SUMF1: variants seen among roughly 807,000 people sequenced by gnomAD.
SUMF1 encodes formylglycine-generating enzyme.
A neutral mutation model predicts 47.6 loss-of-function variants in SUMF1; 48 were observed. That is an observed-to-expected ratio of 1.01 (90% CI 0.80 to 1.28). The LOEUF (loss-of-function observed/expected upper bound fraction) is 1.28. Among genes scored for constraint, SUMF1 ranks in the 50% most tolerant of loss-of-function variants. The pLI is 0.00. For missense variants in SUMF1, 571 were observed against 485.4 expected (o/e 1.18, Z -1.66); for synonymous variants, 230 against 192.1 (o/e 1.20, Z -1.63).
rs890229064 is a variant in SUMF1, at chr3:4,451,422, T to C, written c.444+1454A>G. ...CGAGGGTAGTAAATAACCAGATATA[T>C]TAGGTTGCTGCAAAAGTAATCGCGG... On this transcript the variant is annotated intron_variant, in intron 2 of 8. Coordinates refer to ENST00000272902, the MANE Select transcript of SUMF1 (RefSeq NM_182760.4). Among the ~76,000 whole-genome samples, 10 of 152,324 alleles carry C rather than the reference T, an allele frequency of 6.6e-5. No homozygotes were observed. The South Asian group carries it at 1.5e-3, about 22-fold the overall frequency.
intron 1 of SUMF1, among the ~76,000 whole-genome samples, chr3:4,458,845 G>C (rs1462815601): frequency 6.6e-6 from 1 of 152,110 alleles, no homozygotes; most frequent in African/African-American, 2.4e-5. Flanking sequence ...AACAGAGCTA[G>C]ATTCCGTCTC....
At chr3:4,288,817 AT>A (rs398105540) in intron 8 of SUMF1, among the ~76,000 whole-genome samples, 1 of 151,280 alleles carries the variant, frequency 6.6e-6, no homozygotes, top group African/African-American at 2.4e-5. Flanking sequence ...AAAAAAAAAA[AT>A]TGAACCTACA....
At chr3:4,229,324 G>A in intron 8 of SUMF1, 1 of 410,938 alleles carries the variant, frequency 2.4e-6, no homozygotes, top group Non-Finnish European at 4.8e-6. Context: ...GAAATCCTCT[G>A]GTGAGCCTTT....
At chr3:4,316,089 G>T in intron 8 of SUMF1, 3 of 505,056 alleles carry the variant, frequency 5.9e-6, no homozygotes, top group Non-Finnish European at 7.0e-6. Context: ...TTGCATTGTT[G>T]GAATTTGGTA....
intron 8 of SUMF1, among the ~76,000 whole-genome samples, chr3:4,141,876 C>T (rs1694078445): frequency 1.3e-5 from 2 of 152,108 alleles, no homozygotes; most frequent in Non-Finnish European, 2.9e-5. Context: ...ACCTTTTCCA[C>T]TCATCCAACA....
At chr3:4,199,657 T>C (rs1245983557) in intron 8 of SUMF1, among the ~76,000 whole-genome samples, 7 of 152,190 alleles carry the variant, frequency 4.6e-5, no homozygotes, top group Non-Finnish European at 7.4e-5. Context: ...TTTCTTATTA[T>C]GTATATTTTA....
chr3:4,144,023 C>T (rs1215121180), intron 8 of SUMF1, among the ~76,000 whole-genome samples: 1 of 146,230 alleles, frequency 6.8e-6, no homozygotes. Flanking sequence ...CAGGGTCTCG[C>T]TCTGTCACCC....
intron 8 of SUMF1, among the ~76,000 whole-genome samples, chr3:4,271,563 G>T (rs755082253): frequency 1.3e-5 from 2 of 152,140 alleles, no homozygotes; most frequent in Non-Finnish European, 2.9e-5. Context: ...ATGCAGTGGC[G>T]TGATGGCATC....
intron 8 of SUMF1, among the ~76,000 whole-genome samples, chr3:4,263,056 A>C (rs565547572): frequency 6.6e-6 from 1 of 152,194 alleles, no homozygotes; most frequent in South Asian, 2.1e-4. Flanking sequence ...TTATTTTTTA[A>C]ATGGGGGTGT....
At chr3:4,459,723 A>C (rs1056731935) in intron 1 of SUMF1, among the ~76,000 whole-genome samples, 1 of 152,182 alleles carries the variant, frequency 6.6e-6, no homozygotes, top group Non-Finnish European at 1.5e-5. Context: ...CTAAATATGT[A>C]TCTCTCTAAT....
intron 3 of SUMF1, among the ~76,000 whole-genome samples, chr3:4,422,887 T>C (rs1195958028): frequency 4.6e-5 from 7 of 152,216 alleles, no homozygotes; most frequent in African/African-American, 1.4e-4. Flanking sequence ...TGTGAGATTT[T>C]GGTGCACCCA....
Position 4,204,727 on chromosome 3 carries a change from CATTA to C in SUMF1, c.1015-135986_1015-135983del, listed in dbSNP as rs575976638. On this transcript the variant is annotated intron_variant and NMD_transcript_variant, in intron 8 of 12. Transcript: ENST00000448413. ...TTTTCAGATAGCCTGTCTTCAAGCT[CATTA>C]ATTCTTTCTTCCGCTTGATCCATTC... Among the ~76,000 whole-genome samples, 19 of 152,150 alleles carry C rather than the reference CATTA, an allele frequency of 1.2e-4. No homozygotes were observed. In the East Asian group the frequency reaches 3.7e-3, roughly 29 times the overall value.
chr3:4,310,176 C>T (rs1177426157), intron 8 of SUMF1, among the ~76,000 whole-genome samples: 3 of 152,168 alleles, frequency 2.0e-5, no homozygotes, highest in African/African-American at 4.8e-5. Flanking sequence ...ACCAAAAAGT[C>T]ATTATGCAGC....
In SUMF1 at chr3:4,221,942, C is replaced by A. The variant is rs559896421; in HGVS notation, c.1015-153197G>T. ...TTCCTTATAACGTTTTGTATATCCT[C>A]TGATTTTTTTTTGCAAGCACTACAC... On this transcript the variant is annotated intron_variant and NMD_transcript_variant, in intron 8 of 12. Transcript: ENST00000448413. 6.6e-4 allele frequency among the ~76,000 whole-genome samples: 99 copies of A among 151,062 alleles called. 1 individual carries two copies. Among genetic ancestry groups the A allele is most frequent in the Middle Eastern group, 3.4e-3 (1 of 294 alleles).
At chr3:4,411,638 C>A (rs998768204) in intron 6 of SUMF1, among the ~76,000 whole-genome samples, 1 of 150,968 alleles carries the variant, frequency 6.6e-6, no homozygotes, top group Non-Finnish European at 1.5e-5. Flanking sequence ...AGACAGTCTG[C>A]CACATAATAC....
At chr3:4,092,071 C>T (rs1305378322) in intron 8 of SUMF1, among the ~76,000 whole-genome samples, 3 of 152,052 alleles carry the variant, frequency 2.0e-5, no homozygotes, top group Non-Finnish European at 4.4e-5. Context: ...CCAGCTGCTT[C>T]TACTTGGCCT....
At chr3:4,252,367 C>T (rs935081631) in intron 8 of SUMF1, among the ~76,000 whole-genome samples, 1 of 140,946 alleles carries the variant, frequency 7.1e-6, no homozygotes, top group East Asian at 1.9e-4. Flanking sequence ...CACACACACA[C>T]ACACACACAC....
chr3:4,465,366 T>C (rs767538761), intron 1 of SUMF1, among the ~76,000 whole-genome samples: 36 of 151,814 alleles, frequency 2.4e-4, no homozygotes, highest in Non-Finnish European at 3.5e-4. Flanking sequence ...TCCCAGCTAC[T>C]TGGGAGGCTG....
At chr3:4,462,909 C>A (rs1194613530) in intron 1 of SUMF1, among the ~76,000 whole-genome samples, 1 of 152,170 alleles carries the variant, frequency 6.6e-6, no homozygotes, top group Non-Finnish European at 1.5e-5. Context: ...CTATATGATT[C>A]CTTTAAGCCT....
Sources: allele counts gnomAD v4.1 joint callset (sites outside exome capture counted in the v4.1 genomes callset), GRCh38; gene constraint gnomAD v4.1.1; transcripts MANE v1.5; gene names NCBI Gene and HGNC (gene_info 2026-07-23, HGNC 2026-07-21).